Variants in SSBP2 observed in about 807,000 individuals in gnomAD.
SSBP2 encodes the protein single stranded DNA binding protein 2.
SSBP2 carries 17 observed loss-of-function variants against 61.8 expected under a neutral mutation model. The ratio of observed to expected loss-of-function variants is 0.28; its 90% confidence interval spans 0.19 to 0.41. The LOEUF is 0.41. SSBP2 is among the 10% of genes least tolerant of loss of function. The pLI is 1.00. For synonymous variants in SSBP2, 139 were observed against 141.3 expected, an observed-to-expected ratio of 0.98 and a Z score of 0.12; for missense variants, 310 against 458.7, an observed-to-expected ratio of 0.68 and a Z score of 2.96.
intron 10 of SSBP2, among the ~76,000 whole-genome samples, chr5:81,456,024 A>G (rs1020685292): frequency 6.6e-6 from 1 of 152,200 alleles, no homozygotes; most frequent in African/African-American, 2.4e-5. Context: ...GCTATCTTAC[A>G]AGCACTGGTT....
At chr5:81,675,472 T>G (rs1751893671) in intron 1 of SSBP2, among the ~76,000 whole-genome samples, 1 of 152,182 alleles carries the variant, frequency 6.6e-6, no homozygotes, top group Non-Finnish European at 1.5e-5. Flanking sequence ...ATATACCATT[T>G]TAGGGATGCC....
intron 4 of SSBP2, among the ~76,000 whole-genome samples, chr5:81,606,903 G>C (rs934182247): frequency 6.6e-6 from 1 of 152,188 alleles, no homozygotes; most frequent in African/African-American, 2.4e-5. Context: ...AGTTCCCAAT[G>C]TTGTTTCACA....
intron 4 of SSBP2, among the ~76,000 whole-genome samples, chr5:81,573,867 G>T (rs891279947): frequency 2.6e-5 from 4 of 152,154 alleles, no homozygotes; most frequent in Non-Finnish European, 4.4e-5. Flanking sequence ...TTGACCAGGC[G>T]CAGTGGCTCA....
intron 4 of SSBP2, among the ~76,000 whole-genome samples, chr5:81,572,610 A>G (rs1189185187): frequency 6.6e-6 from 1 of 152,198 alleles, no homozygotes; most frequent in African/African-American, 2.4e-5. Context: ...TGGAACTGAA[A>G]AAGAACTTTA....
intron 4 of SSBP2, among the ~76,000 whole-genome samples, chr5:81,611,439 C>T (rs1745428370): frequency 6.6e-6 from 1 of 152,056 alleles, no homozygotes; most frequent in Admixed American, 6.6e-5. Flanking sequence ...TATTTAGATA[C>T]ACTTTTACTT....
intron 1 of SSBP2, among the ~76,000 whole-genome samples, chr5:81,686,517 C>T (rs1226227558): frequency 6.6e-6 from 1 of 151,816 alleles, no homozygotes; most frequent in Non-Finnish European, 1.5e-5. Flanking sequence ...ATTTAAAAAG[C>T]CAGTAATTAT....
At chr5:81,456,284 G>A (rs945946064) in intron 10 of SSBP2, among the ~76,000 whole-genome samples, 7 of 149,216 alleles carry the variant, frequency 4.7e-5, no homozygotes, top group Non-Finnish European at 8.9e-5. Flanking sequence ...TGAACATTTT[G>A]TTGTTTATGC....
chr5:81,482,340 G>A (rs1766054883), intron 6 of SSBP2, among the ~76,000 whole-genome samples: 1 of 152,238 alleles, frequency 6.6e-6, no homozygotes, highest in South Asian at 2.1e-4. Context: ...CCTAATAAGA[G>A]AATCAGCCTG....
intron 1 of SSBP2, among the ~76,000 whole-genome samples, chr5:81,695,036 T>C (rs1359941035): frequency 1.3e-5 from 2 of 152,142 alleles, no homozygotes; most frequent in Admixed American, 1.3e-4. Flanking sequence ...AATAACCAGG[T>C]CTAAACCTTG....
At chr5:81,497,129 A>G (rs1462740813) in intron 5 of SSBP2, among the ~76,000 whole-genome samples, 2 of 152,216 alleles carry the variant, frequency 1.3e-5, no homozygotes, top group Non-Finnish European at 2.9e-5. Flanking sequence ...AAATTTCAAA[A>G]GCTCTATCTC....
At chr5:81,580,679 C>A (rs1472437684) in intron 4 of SSBP2, among the ~76,000 whole-genome samples, 1 of 150,566 alleles carries the variant, frequency 6.6e-6, no homozygotes, top group African/African-American at 2.4e-5. Flanking sequence ...AAGTATATAT[C>A]TGTTCAATGT....
At chr5:81,607,862 T>C (rs979974609) in intron 4 of SSBP2, among the ~76,000 whole-genome samples, 2 of 152,174 alleles carry the variant, frequency 1.3e-5, no homozygotes, top group Admixed American at 1.3e-4. Context: ...TGCCTTGGGA[T>C]GCAGAGTTCG....
chr5:81,453,517 C>T (rs1432133787), intron 10 of SSBP2, among the ~76,000 whole-genome samples: 15 of 137,026 alleles, frequency 1.1e-4, no homozygotes, highest in African/African-American at 3.1e-4. Context: ...AGTGCAGGGG[C>T]GTGATCTCGG....
At chr5:81,484,795 A>C (rs1766261368) in intron 6 of SSBP2, among the ~76,000 whole-genome samples, 1 of 152,156 alleles carries the variant, frequency 6.6e-6, no homozygotes, top group South Asian at 2.1e-4. Context: ...TTATTGCACA[A>C]ATATCTGAAG....
chr5:81,625,372 A>T (rs1166431615), intron 3 of SSBP2, among the ~76,000 whole-genome samples: 2 of 152,130 alleles, frequency 1.3e-5, no homozygotes, highest in African/African-American at 4.8e-5. Flanking sequence ...ACAACCTGAG[A>T]TGCTGGTGAC....
In SSBP2 at chr5:81,724,291, T is replaced by A. The variant is rs1178913662; in HGVS notation, c.62+26690A>T. ...CCCATGGTAATTCTCTTCTATTAGT[T>A]ATGTCTTTTTTCATATCCTTTAATA... On this transcript the variant is annotated intron_variant, in intron 1 of 16. Transcript: ENST00000320672. Among the ~76,000 whole-genome samples, 7 of 152,170 alleles carry A rather than the reference T, an allele frequency of 4.6e-5. No homozygotes were observed. In the East Asian group the frequency reaches 1.2e-3, roughly 25 times the overall value.
chr5:81,685,009 C>T (rs1169996331), intron 1 of SSBP2, among the ~76,000 whole-genome samples: 1 of 151,982 alleles, frequency 6.6e-6, no homozygotes, highest in Non-Finnish European at 1.5e-5. Context: ...GGCTGGATTT[C>T]CCCCTTGTTC....
intron 6 of SSBP2, among the ~76,000 whole-genome samples, chr5:81,486,768 C>T (rs1240409928): frequency 1.3e-5 from 2 of 152,196 alleles, no homozygotes; most frequent in African/African-American, 4.8e-5. Flanking sequence ...ATGCCATCTT[C>T]CCCTGCCCCG....
At chr5:81,489,564 T>C (rs1352314502) in intron 5 of SSBP2, among the ~76,000 whole-genome samples, 1 of 152,050 alleles carries the variant, frequency 6.6e-6, no homozygotes, top group Non-Finnish European at 1.5e-5. Flanking sequence ...GCAAAATCTT[T>C]TAAAAATGTG....
Sources: allele counts gnomAD v4.1 joint callset (sites outside exome capture counted in the v4.1 genomes callset), GRCh38; gene constraint gnomAD v4.1.1; transcripts MANE v1.5; gene names NCBI Gene and HGNC (gene_info 2026-07-23, HGNC 2026-07-21).